The following ADGRV1 variants were observed in gnomAD, a reference collection of about 807,000 sequenced individuals.
The protein encoded by ADGRV1 is adhesion G protein-coupled receptor V1.
A neutral mutation model predicts 596.2 loss-of-function variants in ADGRV1; 359 were observed. The observed-to-expected ratio is 0.60, with a 90% CI of 0.55 to 0.66. The LOEUF (loss-of-function observed/expected upper bound fraction) is 0.66. ADGRV1 is among the 30% of genes least tolerant of loss of function. The pLI, the probability that ADGRV1 is intolerant of heterozygous loss-of-function variation, is 0.00. For missense variants in ADGRV1, 7,274 were observed against 7,575.6 expected (o/e 0.96, Z 1.48); for synonymous variants, 2,681 against 2,679.2 (o/e 1.00, Z -0.02).
At chr5:90,918,160 G>A (rs1197042625) in intron 83 of ADGRV1, among the ~76,000 whole-genome samples, 1 of 152,026 alleles carries the variant, frequency 6.6e-6, no homozygotes, top group Non-Finnish European at 1.5e-5. Context: ...TAGAGTGCTG[G>A]ATCAGTCCAA....
At chr5:91,098,692 A>T (rs1470532178) in intron 86 of ADGRV1, among the ~76,000 whole-genome samples, 1 of 151,528 alleles carries the variant, frequency 6.6e-6, no homozygotes, top group East Asian at 1.9e-4. Flanking sequence ...ATTCCAGGAA[A>T]ATATAAGCCA....
rs1241205633 is a variant in ADGRV1 at position 90,653,891 on chromosome 5, C to T, written c.4317C>T (p.Tyr1439=). The change falls in exon 20 of 90, where the codon TAC becomes TAT. Residue 1439 remains tyrosine, a synonymous_variant. Transcript: ENST00000405460. Reference sequence around the variant, plus strand: ...TGGAGGATGGTATAATCGAATTCTACCTGGATGGAAATGCAATGCCCAGGG... The same window carrying T: ...TGGAGGATGGTATAATCGAATTCTATCTGGATGGAAATGCAATGCCCAGGG... ...IILEDGIIEF[Y]LDGNAMPRGI... is the part of the protein sequence containing the mutation. 8 of 1,588,944 alleles carry T rather than the reference C, an allele frequency of 5.0e-6. No homozygotes were observed. Among genetic ancestry groups the T allele is most frequent in the Middle Eastern group, 1.6e-4 (1 of 6,062 alleles).
chr5:90,771,226 TA>T (rs34424778), intron 59 of ADGRV1, among the ~76,000 whole-genome samples: 62,075 of 151,952 alleles, frequency 0.41, 14,643 homozygotes, highest in Admixed American at 0.58. Flanking sequence ...TCCTCTCCTT[TA>T]CTATCTTCGC....
chr5:90,610,733 T>C (rs1762636704), intron 1 of ADGRV1, among the ~76,000 whole-genome samples: 1 of 151,978 alleles, frequency 6.6e-6, no homozygotes, highest in African/African-American at 2.4e-5. Context: ...GGATAAATAT[T>C]GATGTTGAAA....
intron 19 of ADGRV1, 55 bp from the exon 20 acceptor site, chr5:90,653,154 A>G: frequency 6.9e-7 from 1 of 1,452,742 alleles, no homozygotes; most frequent in Non-Finnish European, 9.2e-7. Flanking sequence ...TCTTCACATT[A>G]TACTAGAAAG....
chr5:90,648,558 G>A (rs1013457646), intron 17 of ADGRV1, among the ~76,000 whole-genome samples: 29 of 152,156 alleles, frequency 1.9e-4, no homozygotes, highest in African/African-American at 6.5e-4. Flanking sequence ...CCAGTGGAAT[G>A]CCAACGTTGT....
chr5:90,649,735 C>T (rs536433689), intron 17 of ADGRV1, among the ~76,000 whole-genome samples: 25 of 152,316 alleles, frequency 1.6e-4, no homozygotes, highest in South Asian at 6.2e-4. Flanking sequence ...GCAATTCGCC[C>T]GCCTGGGCCC....
chr5:90,808,886 T>C (rs1762154516), intron 73 of ADGRV1, among the ~76,000 whole-genome samples: 1 of 151,424 alleles, frequency 6.6e-6, no homozygotes, highest in African/African-American at 2.4e-5. Flanking sequence ...ACAGAGTGAG[T>C]GAGACTCCGT....
chr5:90,719,365 A>G (rs1561589442), intron 43 of ADGRV1, among the ~76,000 whole-genome samples: 1 of 147,772 alleles, frequency 6.8e-6, no homozygotes, highest in Non-Finnish European at 1.5e-5. Flanking sequence ...AAATAAATAA[A>G]TGTATTTAAC....
chr5:90,759,921 C>T (rs1336318942), intron 58 of ADGRV1: 9 of 172,112 alleles, frequency 5.2e-5, no homozygotes, highest in South Asian at 2.0e-4. Context: ...GCTGAGATCA[C>T]GCCATTGCAC....
chr5:91,145,811 T>C (rs958386962), intron 87 of ADGRV1, among the ~76,000 whole-genome samples: 1 of 152,116 alleles, frequency 6.6e-6, no homozygotes, highest in African/African-American at 2.4e-5. Flanking sequence ...ATCATTTGAG[T>C]AGAAAGGGGA....
At chr5:91,065,424 C>G (rs1441009558) in intron 85 of ADGRV1, among the ~76,000 whole-genome samples, 1 of 152,242 alleles carries the variant, frequency 6.6e-6, no homozygotes, top group Non-Finnish European at 1.5e-5. Context: ...TGTAACCTGG[C>G]TGTCCAGCTG....
chr5:91,121,019 CAA>C (rs1162931825), intron 87 of ADGRV1, among the ~76,000 whole-genome samples: 1 of 151,990 alleles, frequency 6.6e-6, no homozygotes, highest in Non-Finnish European at 1.5e-5. Context: ...ACTAAAAATA[CAA>C]AAATTAGCCT....
At chr5:91,160,751 G>A (rs1796875069) in intron 89 of ADGRV1, among the ~76,000 whole-genome samples, 1 of 152,158 alleles carries the variant, frequency 6.6e-6, no homozygotes, top group Non-Finnish European at 1.5e-5. Context: ...GACCTGGTTT[G>A]TGCTCCCAGG....
intron 83 of ADGRV1, among the ~76,000 whole-genome samples, chr5:90,871,729 A>C (rs1252023249): frequency 6.6e-6 from 1 of 152,230 alleles, no homozygotes; most frequent in African/African-American, 2.4e-5. Flanking sequence ...CAAAAGCAAC[A>C]TATGAAAAAA....
chr5:90,907,177 G>A (rs1772406856), intron 83 of ADGRV1, among the ~76,000 whole-genome samples: 1 of 152,050 alleles, frequency 6.6e-6, no homozygotes, highest in Non-Finnish European at 1.5e-5. Context: ...ACCTCATGGT[G>A]TACATATTTT....
intron 59 of ADGRV1, among the ~76,000 whole-genome samples, chr5:90,771,043 C>T (rs185407320): frequency 6.6e-6 from 1 of 152,234 alleles, no homozygotes; most frequent in East Asian, 1.9e-4. Context: ...GTATTTGATA[C>T]TATTGACATT....
chr5:90,604,038 G>A (rs1439222887), intron 1 of ADGRV1, among the ~76,000 whole-genome samples: 2 of 151,634 alleles, frequency 1.3e-5, no homozygotes, highest in African/African-American at 4.8e-5. Context: ...GAGGGTATAG[G>A]AGAGCAAATT....
chr5:90,983,041 C>T (rs1780208083), intron 84 of ADGRV1, among the ~76,000 whole-genome samples: 1 of 152,048 alleles, frequency 6.6e-6, no homozygotes, highest in Non-Finnish European at 1.5e-5. Flanking sequence ...TATTTCTAGT[C>T]CATAGCTTTA....
Sources: gnomAD v4.1 joint callset for allele counts (sites outside exome capture counted in the v4.1 genomes callset) on GRCh38, gnomAD v4.1.1 for gene constraint, MANE v1.5 for transcripts, NCBI Gene and HGNC (gene_info 2026-07-23, HGNC 2026-07-21) for gene names.